PCNX2: variants seen among roughly 807,000 people sequenced by gnomAD.
The protein encoded by PCNX2 is pecanex-like protein 2.
PCNX2 carries 168 observed loss-of-function variants against 223.8 expected under a neutral mutation model. That is an observed-to-expected ratio of 0.75 (90% CI 0.66 to 0.85). The LOEUF (loss-of-function observed/expected upper bound fraction) is 0.85, where lower values mean the gene tolerates loss of function less well. Ranked by LOEUF, PCNX2 falls within the 40% of genes least tolerant of loss-of-function variation. PCNX2 has a pLI of 0.00. For synonymous variants in PCNX2, 1,006 were observed against 1,052.6 expected, an observed-to-expected ratio of 0.96 and a Z score of 0.86; for missense variants, 2,507 against 2,675.5, an observed-to-expected ratio of 0.94 and a Z score of 1.39.
chr1:233,224,628 T>C (rs538353652), intron 10 of PCNX2, among the ~76,000 whole-genome samples: 7 of 152,184 alleles, frequency 4.6e-5, no homozygotes, highest in Non-Finnish European at 8.8e-5. Context: ...ATGCTCTCCT[T>C]GCAAAGGTCC....
the PCNX2 span, among the ~76,000 whole-genome samples, chr1:233,318,314 C>T: frequency 6.6e-6 from 1 of 151,230 alleles, no homozygotes; most frequent in Admixed American, 6.6e-5. Flanking sequence ...GACTATTTTT[C>T]CTCACCCCTC....
At chr1:233,033,342 G>T (rs568466105) in intron 25 of PCNX2, 1 of 309,546 alleles carries the variant, frequency 3.2e-6, no homozygotes, top group Admixed American at 6.5e-5. Flanking sequence ...AGAAAAATAC[G>T]AACACAGAAA....
chr1:233,143,356 T>A (rs1487841617), intron 19 of PCNX2, among the ~76,000 whole-genome samples: 2 of 152,226 alleles, frequency 1.3e-5, no homozygotes, highest in African/African-American at 2.4e-5. Context: ...CTTGTTAAGA[T>A]GCAGAGTCTG....
intron 28 of PCNX2, among the ~76,000 whole-genome samples, chr1:233,003,535 C>A (rs1049857778): frequency 5.3e-5 from 8 of 152,160 alleles, no homozygotes; most frequent in Non-Finnish European, 4.4e-5. Context: ...GAAATACAGA[C>A]GCTTTTACAC....
At chr1:233,250,879 T>C (rs1339101117) in intron 7 of PCNX2, 47 bp from the exon 8 acceptor site, 4 of 1,518,246 alleles carry the variant, frequency 2.6e-6, no homozygotes, top group Admixed American at 2.1e-5. Flanking sequence ...TAATTATTCA[T>C]ATAGAATCGT....
At chr1:233,210,829 A>C (rs1294748003) in intron 12 of PCNX2, among the ~76,000 whole-genome samples, 1 of 152,210 alleles carries the variant, frequency 6.6e-6, no homozygotes. Flanking sequence ...AGTGGAATTC[A>C]GCTGGGGAGC....
At chr1:233,262,255 C>G in intron 2 of PCNX2, 90 bp from the exon 3 acceptor site, 1 of 1,500,776 alleles carries the variant, frequency 6.7e-7, no homozygotes, top group Non-Finnish European at 9.0e-7. Flanking sequence ...ACTTTTTTTC[C>G]TAGAGTCCAT....
chr1:233,102,296 T>A (rs1475653863), intron 21 of PCNX2, among the ~76,000 whole-genome samples: 1 of 152,168 alleles, frequency 6.6e-6, no homozygotes, highest in Non-Finnish European at 1.5e-5. Context: ...GGGACTGAGG[T>A]TGATTCCATA....
intron 12 of PCNX2, chr1:233,211,647 A>G: frequency 2.5e-6 from 1 of 398,850 alleles, no homozygotes; most frequent in African/African-American, 2.2e-5. Context: ...CACCAACAGA[A>G]AACAGCATGG....
intron 15 of PCNX2, among the ~76,000 whole-genome samples, chr1:233,189,499 T>G (rs1448643704): frequency 4.6e-5 from 7 of 152,196 alleles, no homozygotes; most frequent in Non-Finnish European, 8.8e-5. Context: ...GGATGTTCAC[T>G]TCCTCATTTT....
At chr1:233,198,743 C>T (rs1680880985) in intron 15 of PCNX2, among the ~76,000 whole-genome samples, 196 bp downstream of exon 15, 1 of 152,132 alleles carries the variant, frequency 6.6e-6, no homozygotes, top group Admixed American at 6.5e-5. Context: ...AGGTGGGGGG[C>T]CTTTCACATT....
chr1:233,289,119 G>T, intron 1 of PCNX2: 2 of 907,514 alleles, frequency 2.2e-6, no homozygotes, highest in Non-Finnish European at 3.7e-6. Context: ...CTTATATTTT[G>T]TACAGCTTTT....
intron 1 of PCNX2, among the ~76,000 whole-genome samples, chr1:233,289,640 A>G (rs1661646432): frequency 6.6e-6 from 1 of 152,252 alleles, no homozygotes; most frequent in African/African-American, 2.4e-5. Context: ...TCAATGCAAG[A>G]ATAAATAAGG....
chr1:233,314,896 G>A, the PCNX2 span, among the ~76,000 whole-genome samples: 31 of 152,344 alleles, frequency 2.0e-4, no homozygotes, highest in African/African-American at 7.5e-4. Context: ...AGATTAGGAA[G>A]ACTTCAAATG....
At chr1:232,997,008 T>C (rs1669897898) in intron 32 of PCNX2, among the ~76,000 whole-genome samples, 1 of 152,232 alleles carries the variant, frequency 6.6e-6, no homozygotes, top group Non-Finnish European at 1.5e-5. Context: ...CTACGCTTTT[T>C]ACATGTAAAA....
At chr1:233,306,948 T>TGA in the PCNX2 span, among the ~76,000 whole-genome samples, 1 of 152,216 alleles carries the variant, frequency 6.6e-6, no homozygotes, top group African/African-American at 2.4e-5. Context: ...ACAAGTACTC[T>TGA]ACCTTAAAAT....
At chr1:233,319,850 T>C in the PCNX2 span, among the ~76,000 whole-genome samples, 1 of 152,248 alleles carries the variant, frequency 6.6e-6, no homozygotes, top group Admixed American at 6.5e-5. Flanking sequence ...TTTATAGCTT[T>C]ATTTTAAAGA....
chr1:233,065,567 G>A (rs1672567031), intron 23 of PCNX2: 1 of 151,740 alleles, frequency 6.6e-6, no homozygotes, highest in Admixed American at 6.6e-5. Context: ...AAGGTAAAAG[G>A]AAAAAGTAGA....
intron 21 of PCNX2, among the ~76,000 whole-genome samples, chr1:233,118,325 A>T (rs1405557579): frequency 2.0e-5 from 3 of 152,136 alleles, no homozygotes; most frequent in Admixed American, 1.3e-4. Flanking sequence ...GGAAGAAGGT[A>T]GGGATCTACT....
Sources: allele counts gnomAD v4.1 joint callset (sites outside exome capture counted in the v4.1 genomes callset), GRCh38; gene constraint gnomAD v4.1.1; transcripts MANE v1.5; gene names NCBI Gene and HGNC (gene_info 2026-07-23, HGNC 2026-07-21).